Variants in SLC27A3 observed in about 807,000 individuals in gnomAD.
The protein encoded by SLC27A3 is long-chain fatty acid transport protein 3.
SLC27A3 carries 60 observed loss-of-function variants against 60.1 expected under a neutral mutation model. That is an observed-to-expected ratio of 1.00 (90% CI 0.81 to 1.24). The LOEUF (loss-of-function observed/expected upper bound fraction) is 1.24, where lower values mean the gene tolerates loss of function less well. Among genes scored for constraint, SLC27A3 ranks in the 50% most tolerant of loss-of-function variants. The pLI, the probability that SLC27A3 is intolerant of heterozygous loss-of-function variation, is 0.00. For synonymous variants in SLC27A3, 455 were observed against 409.0 expected, an observed-to-expected ratio of 1.11 and a Z score of -1.36; for missense variants, 1,079 against 929.9, an observed-to-expected ratio of 1.16 and a Z score of -2.09.
Position 153,776,077 on chromosome 1 carries a change from A to G in SLC27A3, c.580A>G (p.Thr194Ala). 1 of 1,479,734 alleles carries G rather than the reference A, an allele frequency of 6.8e-7. No homozygotes were observed. The highest frequency in any genetic ancestry group is 8.9e-7 in the Non-Finnish European group (1 of 1,127,736). 91.7% of individuals were successfully genotyped at this position (1,479,734 alleles called of 1,614,324 possible). A position where few individuals can be genotyped will look rare whatever the true frequency, so the allele number is the denominator to read the frequency against. Residue 194 changes from threonine (T) to alanine (A), a missense_variant, in exon 1 of 10, where the codon ACT (threonine) becomes GCT (alanine). By Grantham distance (58) the Thr-to-Ala change is moderately conservative. Coordinates refer to ENST00000624995, the MANE Select transcript of SLC27A3 (RefSeq NM_024330.4). Reference protein sequence around the residue: ...WFGLAKAGLRTAFVPTALRRG... With the variant: ...WFGLAKAGLRAAFVPTALRRG... ...CGGGCTGGCCAAGGCCGGCCTGCGC[A>G]CTGCCTTTGTGCCCACCGCCCTGCG...
chr1:153,777,279 A>G, intron 3 of SLC27A3, 59 bp downstream of exon 3: 4 of 1,590,436 alleles, frequency 2.5e-6, no homozygotes, highest in Non-Finnish European at 3.4e-6. Context: ...TTAAGCACGT[A>G]CTATGGTGTG....
chr1:153,780,127 C>A lies in SLC27A3; in HGVS notation c.*125C>A. 1 of 845,734 alleles carries A rather than the reference C, an allele frequency of 1.2e-6. No individual in the cohort carries two copies. Among genetic ancestry groups the A allele is most frequent in the Non-Finnish European group, 1.8e-6 (1 of 554,306 alleles). 52.4% of individuals were successfully genotyped at this position (845,734 alleles called of 1,614,324 possible). A position where few individuals can be genotyped will look rare whatever the true frequency, so the allele number is the denominator to read the frequency against. On this transcript the variant is annotated 3_prime_UTR_variant, in exon 10 of 10. Coordinates refer to ENST00000624995, the MANE Select transcript of SLC27A3 (RefSeq NM_024330.4). ...GGTCACTATTTTGTAATAAATGTGG[C>A]TGGAGCTGATCCAGCTGTCTCTGAC...
chr1:153,775,599 C>G lies in SLC27A3; in HGVS notation c.102C>G (p.Ala34=). 1 of 1,597,918 alleles carries G rather than the reference C, an allele frequency of 6.3e-7. No homozygotes were observed. Among genetic ancestry groups the G allele is most frequent in the South Asian group, 1.1e-5 (1 of 90,180 alleles). Residue 34 remains alanine (A), a synonymous_variant, in exon 1 of 10, where the codon GCC becomes GCG. Coordinates refer to ENST00000624995, the MANE Select transcript of SLC27A3 (RefSeq NM_024330.4). ...PQLRWLPADL[A]FAVRALCCKR... ...TGCGCTGGCTTCCGGCGGACTTGGC[C>G]TTTGCGGTGCGAGCTCTGTGCTGCA... is the stretch of plus-strand genomic sequence containing the variant.
At position 153,775,682 on chromosome 1, in the gene SLC27A3, A is replaced by T; in HGVS notation, c.185A>T (p.Glu62Val). The change falls in exon 1 of 10, where the codon GAG becomes GTG. Residue 62 changes from glutamate (E) to valine (V), a missense_variant. By Grantham distance (121) the Glu-to-Val change is moderately radical. Coordinates refer to ENST00000624995, the MANE Select transcript of SLC27A3 (RefSeq NM_024330.4). ...GCTGCCGCCGACCCGGAAGGTCCCG[A>T]GGGGGGCTGCAGCCTGGCCTGGCGC... Reference protein sequence around the residue: ...AAAAADPEGPEGGCSLAWRLA... With the variant: ...AAAAADPEGPVGGCSLAWRLA... The T allele has an allele frequency of 2.0e-6, 3 of 1,535,680 alleles. No individual in the cohort carries two copies. Among genetic ancestry groups the T allele is most frequent in the Non-Finnish European group, 2.6e-6 (3 of 1,143,468 alleles).
At chr1:153,777,417 C>T (rs1673286592) in intron 3 of SLC27A3, 197 bp downstream of exon 3, 2 of 672,660 alleles carry the variant, frequency 3.0e-6, no homozygotes, top group South Asian at 3.8e-5. Flanking sequence ...GGCCATACAG[C>T]CACATAACTC....
Position 153,779,345 on chromosome 1 carries a change from C to A in SLC27A3, c.1747C>A (p.His583Asn), listed in dbSNP as rs200933053. ...ACTCTGTCTCCCACACCCACCAGGG[C>A]ATGAAGGCAGGGCTGGAATGGCAGC... The part of the protein sequence containing the change: ...VNVYGVTVPG[H>N]EGRAGMAALV... The change falls in exon 9 of 10, where the codon CAT becomes AAT. Residue 583 changes from histidine to asparagine, a missense_variant and splice_region_variant. By Grantham distance (68) the His-to-Asn change is moderately conservative. Transcript: ENST00000624995. 2 of 1,613,962 alleles carry A rather than the reference C, an allele frequency of 1.2e-6. No homozygotes were observed. Among genetic ancestry groups the A allele is most frequent in the Non-Finnish European group, 1.7e-6 (2 of 1,179,894 alleles).
chr1:153,775,777 T>C lies in SLC27A3; in HGVS notation c.280T>C (p.Ser94Pro). The change falls in exon 1 of 10, where the codon TCA becomes CCA. Residue 94 changes from serine to proline, a missense_variant. Ser to Pro is a moderately conservative substitution (Grantham distance 74). Transcript: ENST00000624995. The stretch of plus-strand genomic sequence containing the variant: ...TCACGGCTCGCGGCGCTTTAGCTAC[T>C]CAGAGGCGGAGCGCGAGAGTAACAG... Reference protein sequence around the residue: ...LIHGSRRFSYSEAERESNRAA... With the variant: ...LIHGSRRFSYPEAERESNRAA... 1 of 1,506,220 alleles carries C rather than the reference T, an allele frequency of 6.6e-7. No homozygotes were observed. The highest frequency in any genetic ancestry group is 8.8e-7 in the Non-Finnish European group (1 of 1,131,720). The allele number at this position is 1,506,220 out of a possible 1,614,324, so 93.3% of individuals were successfully genotyped here.
Position 153,775,906 on chromosome 1 carries a change from G to A in SLC27A3, c.409G>A (p.Ala137Thr). 6.8e-7 allele frequency: 1 copy of A among 1,473,562 alleles called. No homozygotes were observed. The highest frequency in any genetic ancestry group is 1.4e-5 in the South Asian group (1 of 72,466). The allele number at this position is 1,473,562 out of a possible 1,614,324, so 91.3% of individuals were successfully genotyped here. The change falls in exon 1 of 10, where the codon GCC becomes ACC. Residue 137 changes from alanine (A) to threonine (T), a missense_variant. Transcript: ENST00000624995. ...AGEGERAAPG[A>T]GDAAAGSGAE... ...AGAAGGCGAGCGGGCAGCGCCGGGA[G>A]CCGGAGATGCAGCGGCCGGAAGCGG...
Position 153,776,828 on chromosome 1 carries a change from A to G in SLC27A3, c.877+101A>G, listed in dbSNP as rs1011466368. On this transcript the variant is annotated intron_variant, in intron 2 of 9. Coordinates refer to ENST00000624995, the MANE Select transcript of SLC27A3 (RefSeq NM_024330.4). ...TTCAAAGCCCCCAGAGAGGATGCTGATTTCATTGGCACATCCTTTTTCTCC... is the reference window on the plus strand; with the variant it reads ...TTCAAAGCCCCCAGAGAGGATGCTGGTTTCATTGGCACATCCTTTTTCTCC... 2.6e-6 allele frequency: 3 copies of G among 1,163,726 alleles called. No individual in the cohort carries two copies. The African/African-American group carries it at 4.6e-5, about 18-fold the overall frequency. The allele number at this position is 1,163,726 out of a possible 1,614,324, so 72.1% of individuals were successfully genotyped here. A position where few individuals can be genotyped will look rare whatever the true frequency, so the allele number is the denominator to read the frequency against.
At chr1:153,777,018 G>T in intron 2 of SLC27A3, 44 bp from the exon 3 acceptor site, 3 of 1,604,126 alleles carry the variant, frequency 1.9e-6, no homozygotes, top group Non-Finnish European at 2.6e-6. Flanking sequence ...GTAGAGCTTG[G>T]AGTTTGCCCT....
rs768369879 is a variant in SLC27A3 at position 153,776,110 on chromosome 1, C to G, written c.613C>G (p.Pro205Ala). Residue 205 changes from proline to alanine, a missense_variant, in exon 1 of 10, where the codon CCC becomes GCC. By Grantham distance (27) the Pro-to-Ala change is conservative. Transcript: ENST00000624995. ...AFVPTALRRG[P>A]LLHCLRSCGA... is the part of the protein sequence containing the mutation. ...TGTGCCCACCGCCCTGCGCCGGGGC[C>G]CCCTGCTGCACTGCCTCCGCAGCTG... 20 of 1,474,342 alleles carry G rather than the reference C, an allele frequency of 1.4e-5. No homozygotes were observed. The highest frequency in any genetic ancestry group is 1.8e-5 in the Non-Finnish European group (20 of 1,126,996). 91.3% of individuals were successfully genotyped at this position (1,474,342 alleles called of 1,614,324 possible).
Position 153,775,674 on chromosome 1 carries a change from AG to A in SLC27A3, c.179del (p.Gly60ValfsTer52), listed in dbSNP as rs1224900446. ...TGGCCGCGGCTGCCGCCGACCCGGA[AG>A]GTCCCGAGGGGGGCTGCAGCCTGGC... ...ALAAAAADPE[G>X]PEGGCSLAWR... On this transcript the variant is annotated frameshift_variant, in exon 1 of 10. Coordinates refer to ENST00000624995, the MANE Select transcript of SLC27A3 (RefSeq NM_024330.4). LOFTEE classifies it high-confidence loss of function. 3 of 1,533,238 alleles carry A rather than the reference AG, an allele frequency of 2.0e-6. No homozygotes were observed. The African/African-American group carries it at 4.1e-5, about 21-fold the overall frequency. The allele number at this position is 1,533,238 out of a possible 1,614,324, so 95.0% of individuals were successfully genotyped here.
Position 153,779,129 on chromosome 1 carries a change from T to C in SLC27A3, c.1662T>C (p.Asn554=), listed in dbSNP as rs759227715. 5 of 1,614,058 alleles carry C rather than the reference T, an allele frequency of 3.1e-6. No homozygotes were observed. The highest frequency in any genetic ancestry group is 4.2e-6 in the Non-Finnish European group (5 of 1,179,978). ...TCTCTGACAGGTGGAAGGGGGAGAA[T>C]GTGGCCACAACCGAGGTGGCAGAGG... is the stretch of plus-strand genomic sequence containing the variant. The part of the protein sequence containing the change: ...TGDTFRWKGE[N]VATTEVAEVF... Residue 554 remains asparagine, a synonymous_variant, in exon 8 of 10, where the codon AAT becomes AAC. Coordinates refer to ENST00000624995, the MANE Select transcript of SLC27A3 (RefSeq NM_024330.4).
chr1:153,777,113 G>A lies in SLC27A3; in HGVS notation c.929G>A (p.Gly310Asp). Residue 310 changes from glycine (G) to aspartate (D), a missense_variant, in exon 3 of 10, where the codon GGC becomes GAC. Physicochemically the swap from Gly to Asp is moderately conservative, Grantham distance 94. Transcript: ENST00000624995. ...ISHLKILQCQ[G>D]FYQLCGVHQE... ...CATCTGAAGATCCTGCAATGCCAGG[G>A]CTTCTATCAGCTGTGTGGTGTCCAC... 6.2e-7 allele frequency: 1 copy of A among 1,614,224 alleles called. No individual in the cohort carries two copies. Among genetic ancestry groups the A allele is most frequent in the Non-Finnish European group, 8.5e-7 (1 of 1,180,036 alleles).
At position 153,776,684 on chromosome 1, in the gene SLC27A3, C is replaced by T. The variant is rs1421521026; in HGVS notation, c.834C>T (p.Ser278=). The T allele has an allele frequency of 6.2e-7, 1 of 1,614,180 alleles. No homozygotes were observed. The highest frequency in any genetic ancestry group is 1.1e-5 in the South Asian group (1 of 91,088). Reference sequence around the variant, plus strand: ...CAGGATACCTCTCTTCCCCCCAGAGCATAACAGACACGTGCCTGTACATCT... The same window carrying T: ...CAGGATACCTCTCTTCCCCCCAGAGTATAACAGACACGTGCCTGTACATCT... The part of the protein sequence containing the change: ...PVPGYLSSPQ[S]ITDTCLYIFT... The change falls in exon 2 of 10, where the codon AGC becomes AGT. Residue 278 remains serine, a synonymous_variant. Transcript: ENST00000624995.
intron 4 of SLC27A3, 27 bp downstream of exon 4, chr1:153,777,912 G>C: frequency 6.2e-7 from 1 of 1,614,072 alleles, no homozygotes; most frequent in Non-Finnish European, 8.5e-7. Context: ...CCTGGGCAGA[G>C]CTGCTGACAC....
At position 153,775,810 on chromosome 1, in the gene SLC27A3, C is replaced by T. The variant is rs767993919; in HGVS notation, c.313C>T (p.Arg105Cys). Reference protein sequence around the residue: ...EAERESNRAARAFLRALGWDW... With the variant: ...EAERESNRAACAFLRALGWDW... ...GGAGCGCGAGAGTAACAGGGCTGCA[C>T]GCGCCTTCCTACGTGCGCTAGGCTG... Residue 105 changes from arginine (R) to cysteine (C), a missense_variant, in exon 1 of 10, where the codon CGC becomes TGC. Physicochemically the swap from Arg to Cys is radical, Grantham distance 180. Coordinates refer to ENST00000624995, the MANE Select transcript of SLC27A3 (RefSeq NM_024330.4). 39 of 1,496,060 alleles carry T rather than the reference C, an allele frequency of 2.6e-5. No homozygotes were observed. The Admixed American group carries it at 4.6e-4, about 17-fold the overall frequency. 92.7% of individuals were successfully genotyped at this position (1,496,060 alleles called of 1,614,324 possible).
chr1:153,775,519 C>T lies in SLC27A3; in HGVS notation c.22C>T (p.Pro8Ser), dbSNP rs149310539. The T allele has an allele frequency of 6.8e-6, 11 of 1,611,798 alleles. No homozygotes were observed. The East Asian group carries it at 2.0e-4, about 29-fold the overall frequency. Reference sequence around the variant, plus strand: ...CTCCATGGCTGCCCTCCTGCTGCTGCCCCTGCTGCTGTTGCTACCGCTGCT... The same window carrying T: ...CTCCATGGCTGCCCTCCTGCTGCTGTCCCTGCTGCTGTTGCTACCGCTGCT... MAALLLL[P>S]LLLLLPLLLL... Residue 8 changes from proline (P) to serine (S), a missense_variant, in exon 1 of 10, where the codon CCC becomes TCC. By Grantham distance (74) the Pro-to-Ser change is moderately conservative. Transcript: ENST00000624995.
rs1673443919 is a variant in SLC27A3, at chr1:153,779,809, G to A, written c.1876-17G>A. The A allele has an allele frequency of 6.2e-7, 1 of 1,608,896 alleles. No individual in the cohort carries two copies. The highest frequency in any genetic ancestry group is 1.3e-5 in the African/African-American group (1 of 74,520). On this transcript the variant is annotated splice_polypyrimidine_tract_variant and intron_variant, in intron 9 of 9. Transcript: ENST00000624995. ...AGAGTCCCCTTCCCTCCAAATCCCT[G>A]ACCCTCCTGTCCCCAGGAGTCTTTG...
Sources: allele counts gnomAD v4.1 joint callset, GRCh38; gene constraint gnomAD v4.1.1; transcripts MANE v1.5; gene names NCBI Gene and HGNC (gene_info 2026-07-23, HGNC 2026-07-21).